ABCC11: variants seen among roughly 807,000 people sequenced by gnomAD.
ABCC11 encodes ATP-binding cassette sub-family C member 11.
ABCC11 carries 135 observed loss-of-function variants against 149.3 expected under a neutral mutation model. That is an observed-to-expected ratio of 0.90 (90% CI 0.79 to 1.04). The LOEUF (loss-of-function observed/expected upper bound fraction) is 1.04. ABCC11 is among the 50% of genes least tolerant of loss of function. The pLI is 0.00. For synonymous variants in ABCC11, 665 were observed against 671.4 expected (o/e 0.99, Z 0.15); for missense variants, 1,680 against 1,722.1 (o/e 0.98, Z 0.43).
chr16:48,188,452 G>A (rs745352379), intron 20 of ABCC11, among the ~76,000 whole-genome samples: 1 of 152,186 alleles, frequency 6.6e-6, no homozygotes, highest in Non-Finnish European at 1.5e-5. Context: ...CAATCCTACT[G>A]GGTTGCACAC....
Position 48,200,374 on chromosome 16 carries a change from A to AC in ABCC11, c.1983dup (p.Ser662ValfsTer13), listed in dbSNP as rs776330786. 74 of 1,614,144 alleles carry AC rather than the reference A, an allele frequency of 4.6e-5. No homozygotes were observed. The highest frequency in any genetic ancestry group is 5.9e-5 in the Non-Finnish European group (70 of 1,180,050). ...TTCCCCACGTGGGCGTCCACAGCAG[A>AC]CAGGGGGTCGTCCAGCAGGTAGATC... On this transcript the variant is annotated frameshift_variant, in exon 15 of 30. Coordinates refer to ENST00000356608, the MANE Select transcript of ABCC11 (RefSeq NM_001370497.1). LOFTEE classifies it high-confidence loss of function.
At chr16:48,192,448 TA>T in intron 20 of ABCC11, 71 bp downstream of exon 20, 2 of 1,515,264 alleles carry the variant, frequency 1.3e-6, no homozygotes, top group Non-Finnish European at 1.8e-6. Flanking sequence ...AATAAAAAAA[TA>T]AAAAAATAAA....
chr16:48,169,918 T>TA (rs199705781), intron 28 of ABCC11, among the ~76,000 whole-genome samples, 187 bp downstream of exon 28: 8 of 151,928 alleles, frequency 5.3e-5, no homozygotes, highest in South Asian at 4.1e-4. Context: ...AGTATAATAA[T>TA]AAAAAAAAGG....
chr16:48,218,065 G>A (rs1427903425), intron 6 of ABCC11, among the ~76,000 whole-genome samples: 3 of 152,288 alleles, frequency 2.0e-5, no homozygotes, highest in East Asian at 3.9e-4. Flanking sequence ...GGGAGGCTGA[G>A]GCAGGATGAT....
intron 3 of ABCC11, among the ~76,000 whole-genome samples, chr16:48,230,212 A>C (rs188712376): frequency 2.6e-5 from 4 of 152,344 alleles, no homozygotes; most frequent in African/African-American, 7.2e-5. Context: ...GTGATGTAGC[A>C]CAGTGCCTGG....
At chr16:48,171,686 G>A (rs2150716368) in intron 26 of ABCC11, among the ~76,000 whole-genome samples, 1 of 152,274 alleles carries the variant, frequency 6.6e-6, no homozygotes, top group South Asian at 2.1e-4. Flanking sequence ...TCATCCTGCT[G>A]GGCATGGTGG....
intron 3 of ABCC11, among the ~76,000 whole-genome samples, chr16:48,228,458 G>A (rs921053878): frequency 2.6e-5 from 4 of 152,064 alleles, no homozygotes; most frequent in African/African-American, 9.7e-5. Context: ...GCTTGGTGTG[G>A]TGGTGTGCAC....
chr16:48,213,652 C>A (rs915501541), intron 9 of ABCC11, 102 bp from the exon 10 acceptor site: 38 of 839,472 alleles, frequency 4.5e-5, no homozygotes, highest in Non-Finnish European at 6.7e-5. Flanking sequence ...ATCCAACAAG[C>A]AGTTGCTTCA....
intron 13 of ABCC11, among the ~76,000 whole-genome samples, chr16:48,205,081 A>G (rs1055937804): frequency 1.3e-5 from 2 of 152,194 alleles, no homozygotes; most frequent in African/African-American, 4.8e-5. Flanking sequence ...ATGTAGCAAT[A>G]TTGGAGGGGG....
intron 9 of ABCC11, 62 bp from the exon 10 acceptor site, chr16:48,213,612 T>G (rs11866529): frequency 0.16 from 210,207 of 1,306,494 alleles, 19,720 homozygotes; most frequent in African/African-American, 0.38. Context: ...CCATTCCCTG[T>G]CACCCGCATC....
At chr16:48,216,086 T>C in intron 7 of ABCC11, 28 bp downstream of exon 7, 1 of 1,608,920 alleles carries the variant, frequency 6.2e-7, no homozygotes, top group Non-Finnish European at 8.5e-7. Flanking sequence ...GGGCCCAGCA[T>C]CAAATGGGTG....
intron 26 of ABCC11, among the ~76,000 whole-genome samples, chr16:48,171,691 T>C (rs780807088): frequency 2.6e-5 from 4 of 152,226 alleles, no homozygotes; most frequent in Non-Finnish European, 4.4e-5. Context: ...CTGCTGGGCA[T>C]GGTGGTTCAC....
intron 18 of ABCC11, among the ~76,000 whole-genome samples, chr16:48,194,628 T>G (rs148318008): frequency 8.0e-4 from 122 of 152,296 alleles, no homozygotes; most frequent in East Asian, 5.8e-3. Context: ...CCCTCATGAG[T>G]GGCATTAATG....
rs746007911 is a variant in ABCC11 at position 48,205,434 on chromosome 16, C to G, written c.1784G>C (p.Gly595Ala). 2 of 1,614,232 alleles carry G rather than the reference C, an allele frequency of 1.2e-6. No individual in the cohort carries two copies. Among genetic ancestry groups the G allele is most frequent in the Non-Finnish European group, 1.7e-6 (2 of 1,180,034 alleles). The change falls in exon 13 of 30, where the codon GGA becomes GCA. Residue 595 changes from glycine to alanine, a missense_variant. By Grantham distance (60) the Gly-to-Ala change is moderately conservative. Coordinates refer to ENST00000356608, the MANE Select transcript of ABCC11 (RefSeq NM_001370497.1). ...TTACCGGGCCTTGTCATATGCGCCT[C>G]CCATGAGGATGTTCTCCCTGATGTT... ...SGNIRENILMGGAYDKARYLQ... is the reference protein window; with the variant it reads ...SGNIRENILMAGAYDKARYLQ...
At chr16:48,188,765 C>T (rs934857383) in intron 20 of ABCC11, among the ~76,000 whole-genome samples, 1 of 152,220 alleles carries the variant, frequency 6.6e-6, no homozygotes, top group East Asian at 1.9e-4. Flanking sequence ...TCACTCTTCA[C>T]AGAAGGCAAT....
At chr16:48,205,639 C>T in intron 12 of ABCC11, 102 bp from the exon 13 acceptor site, 1 of 1,452,572 alleles carries the variant, frequency 6.9e-7, no homozygotes, top group Admixed American at 2.3e-5. Context: ...CCTCCAGGAC[C>T]TTGGGGGCTC....
At chr16:48,171,405 G>GC (rs976147556) in intron 26 of ABCC11, among the ~76,000 whole-genome samples, 4 of 152,212 alleles carry the variant, frequency 2.6e-5, no homozygotes, top group African/African-American at 9.6e-5. Context: ...GACACATGGA[G>GC]CCCCCCAGGG....
intron 1 of ABCC11, among the ~76,000 whole-genome samples, chr16:48,243,401 CAAAAAAA>C (rs541776018): frequency 2.4e-3 from 176 of 72,840 alleles, no homozygotes; most frequent in Non-Finnish European, 3.6e-3. Flanking sequence ...GACTCCGTCT[CAAAAAAA>C]AAAAAAAAAA....
At chr16:48,234,396 T>C (rs996828978) in intron 1 of ABCC11, among the ~76,000 whole-genome samples, 8 of 152,224 alleles carry the variant, frequency 5.3e-5, no homozygotes, top group African/African-American at 1.4e-4. Context: ...AATGTTTGTG[T>C]TTAGCAGCTA....
Sources: allele counts gnomAD v4.1 joint callset (sites outside exome capture counted in the v4.1 genomes callset), GRCh38; gene constraint gnomAD v4.1.1; transcripts MANE v1.5; gene names NCBI Gene and HGNC (gene_info 2026-07-23, HGNC 2026-07-21).